Variants in TMEM132E observed in about 807,000 individuals in gnomAD.
TMEM132E encodes the protein transmembrane protein 132E.
In TMEM132E, 49 loss-of-function variants were observed where a neutral mutation model predicts 78.5. That is an observed-to-expected ratio of 0.62 (90% CI 0.50 to 0.79). The LOEUF (loss-of-function observed/expected upper bound fraction) is 0.79, where lower values mean the gene tolerates loss of function less well. TMEM132E is among the 30% of genes least tolerant of loss of function. TMEM132E has a pLI of 0.00. For missense variants in TMEM132E, 1,403 were observed against 1,470.9 expected, an observed-to-expected ratio of 0.95 and a Z score of 0.75; for synonymous variants, 715 against 670.6, an observed-to-expected ratio of 1.07 and a Z score of -1.02.
At chr17:34,635,977 C>A in intron 7 of TMEM132E, 30 bp from the exon 8 acceptor site, 1 of 1,355,292 alleles carries the variant, frequency 7.4e-7, no homozygotes, top group Non-Finnish European at 9.6e-7. Flanking sequence ...TTTCCTGGTT[C>A]TCTCCCACCC....
At chr17:34,600,701 A>C (rs1906211833) in intron 1 of TMEM132E, among the ~76,000 whole-genome samples, 1 of 152,160 alleles carries the variant, frequency 6.6e-6, no homozygotes, top group Admixed American at 6.5e-5. Flanking sequence ...CAGGAGTTGG[A>C]GTGCGGCCCC....
rs552383487 is a variant in TMEM132E, at chr17:34,595,614, C to G, written c.67+14471C>G. On this transcript the variant is annotated intron_variant, in intron 1 of 8. Transcript: ENST00000631683. ...AAGGGCTGGCAGGGAGATTCAGGCCCCTCTCACCTGGAACCATTTCTGTTT... is the reference window on the plus strand; with the variant it reads ...AAGGGCTGGCAGGGAGATTCAGGCCGCTCTCACCTGGAACCATTTCTGTTT... 3.9e-5 allele frequency among the ~76,000 whole-genome samples: 6 copies of G among 152,254 alleles called. No homozygotes were observed. The South Asian group carries it at 1.2e-3, about 32-fold the overall frequency.
At position 34,594,130 on chromosome 17, in the gene TMEM132E, G is replaced by A. The variant is rs150016296; in HGVS notation, c.67+12987G>A. On this transcript the variant is annotated intron_variant, in intron 1 of 8. Transcript: ENST00000631683. ...TTCACCTGACATATGACATGGTTATGTGTTCCATTGGAATGGAAGCCCTTG... is the reference window on the plus strand; with the variant it reads ...TTCACCTGACATATGACATGGTTATATGTTCCATTGGAATGGAAGCCCTTG... Among the ~76,000 whole-genome samples the A allele has an allele frequency of 5.7e-4, 87 of 152,274 alleles. No individual in the cohort carries two copies. In the Middle Eastern group the frequency reaches 0.01, roughly 18 times the overall value.
chr17:34,587,484 G>A (rs1905718188), intron 1 of TMEM132E, among the ~76,000 whole-genome samples: 1 of 152,180 alleles, frequency 6.6e-6, no homozygotes, highest in Non-Finnish European at 1.5e-5. Context: ...CTCAGGGGTA[G>A]CCTTTATTCC....
chr17:34,633,248 G>A (rs914930970), intron 6 of TMEM132E, among the ~76,000 whole-genome samples: 2 of 152,258 alleles, frequency 1.3e-5, no homozygotes. Context: ...TCCAGGAGAA[G>A]TCAAGGCAGG....
chr17:34,632,970 C>T (rs1907402843), intron 6 of TMEM132E, 61 bp downstream of exon 6: 5 of 1,586,600 alleles, frequency 3.2e-6, no homozygotes, highest in Non-Finnish European at 4.3e-6. Context: ...AGCCTCGGCC[C>T]ACAGTCTGAT....
intron 1 of TMEM132E, among the ~76,000 whole-genome samples, chr17:34,613,838 A>G (rs1407311547): frequency 6.6e-6 from 1 of 151,176 alleles, no homozygotes; most frequent in African/African-American, 2.4e-5. Context: ...GGTAGTCCAG[A>G]CCCTCTCCCT....
chr17:34,637,183 C>T lies in TMEM132E; in HGVS notation c.2176C>T (p.Leu726=). 1 of 1,600,400 alleles carries T rather than the reference C, an allele frequency of 6.2e-7. No individual in the cohort carries two copies. The highest frequency in any genetic ancestry group is 8.5e-7 in the Non-Finnish European group (1 of 1,169,966). ...QTLSFLKQEA[L]LSLWLSYSDG... is the part of the protein sequence containing the mutation. ...CCTTCTCCTTCTCCTCCAGGAAGCC[C>T]TACTGAGCCTCTGGCTCTCCTACAG... The change falls in exon 9 of 9, where the codon CTA becomes TTA. Residue 726 remains leucine (L), a synonymous_variant. Coordinates refer to ENST00000631683, the MANE Select transcript of TMEM132E (RefSeq NM_001304438.2).
intron 1 of TMEM132E, among the ~76,000 whole-genome samples, chr17:34,591,035 G>A (rs558384267): frequency 6.6e-6 from 1 of 152,316 alleles, no homozygotes; most frequent in South Asian, 2.1e-4. Flanking sequence ...CCGCTTACCA[G>A]CAGCCTGACT....
chr17:34,600,335 G>A (rs935005719), intron 1 of TMEM132E, among the ~76,000 whole-genome samples: 1 of 151,954 alleles, frequency 6.6e-6, no homozygotes. Context: ...TCCCTGTGTG[G>A]GAAAGTATTG....
chr17:34,624,465 G>C (rs1056624656), intron 1 of TMEM132E, among the ~76,000 whole-genome samples: 14 of 152,196 alleles, frequency 9.2e-5, no homozygotes, highest in African/African-American at 3.4e-4. Context: ...AAAGCTCTGA[G>C]GAAACCCCCA....
At position 34,637,911 on chromosome 17, in the gene TMEM132E, C is replaced by A. The variant is rs745451900; in HGVS notation, c.2904C>A (p.Asp968Glu). The part of the protein sequence containing the change: ...LETVPAFCHG[D>E]HHSSGSSQTS... ...CCGTGCCCGCCTTCTGCCACGGCGA[C>A]CACCACAGCAGCGGCAGCTCGCAGA... The change falls in exon 9 of 9, where the codon GAC becomes GAA. Residue 968 changes from aspartate (D) to glutamate (E), a missense_variant. Physicochemically the swap from Asp to Glu is conservative, Grantham distance 45. Around this residue, in one of 3 missense-constraint regions of TMEM132E, gnomAD observed 888 missense variants for 952.8 expected, o/e 0.93. Coordinates refer to ENST00000631683, the MANE Select transcript of TMEM132E (RefSeq NM_001304438.2). 1 of 1,606,046 alleles carries A rather than the reference C, an allele frequency of 6.2e-7. No homozygotes were observed. Among genetic ancestry groups the A allele is most frequent in the Non-Finnish European group, 8.5e-7 (1 of 1,178,760 alleles).
chr17:34,585,228 A>G (rs1905626543), intron 1 of TMEM132E, among the ~76,000 whole-genome samples: 1 of 152,170 alleles, frequency 6.6e-6, no homozygotes, highest in South Asian at 2.1e-4. Context: ...CATTCTGAGG[A>G]CGGCTGGTGC....
chr17:34,626,004 C>A lies in TMEM132E; in HGVS notation c.68-123C>A, dbSNP rs374883762. 697 of 932,474 alleles carry A rather than the reference C, an allele frequency of 7.5e-4. 12 individuals carry two copies. The South Asian group carries it at 0.012, about 16-fold the overall frequency. The allele number at this position is 932,474 out of a possible 1,614,324, so 57.8% of individuals were successfully genotyped here. On this transcript the variant is annotated intron_variant, in intron 1 of 8. Transcript: ENST00000631683. ...CCGGAGGATGGACAGCCAGGCTGAA[C>A]CTGCCCAGCTAGAGGAGTTGGCAGC...
In TMEM132E at chr17:34,637,435, C is replaced by G. The variant is rs746275676; in HGVS notation, c.2428C>G (p.Arg810Gly). 6.2e-7 allele frequency: 1 copy of G among 1,613,694 alleles called. No individual in the cohort carries two copies. Among genetic ancestry groups the G allele is most frequent in the East Asian group, 2.2e-5 (1 of 44,874 alleles). ...GCTCGCCACGACCCCTGTGGGCCTG[C>G]GGGTGCACTTTGGGAGGGACGAGGA... ...SVLATTPVGL[R>G]VHFGRDEEDP... Residue 810 changes from arginine (R) to glycine (G), a missense_variant, in exon 9 of 9, where the codon CGG (arginine) becomes GGG (glycine). Physicochemically the swap from Arg to Gly is moderately radical, Grantham distance 125 (BLOSUM62 -2). Coordinates refer to ENST00000631683, the MANE Select transcript of TMEM132E (RefSeq NM_001304438.2).
At position 34,626,949 on chromosome 17, in the gene TMEM132E, G is replaced by A. The variant is rs916177288; in HGVS notation, c.890G>A (p.Arg297His). The A allele has an allele frequency of 3.1e-6, 5 of 1,613,646 alleles. No homozygotes were observed. The highest frequency in any genetic ancestry group is 2.2e-5 in the East Asian group (1 of 44,876). Residue 297 changes from arginine to histidine, a missense_variant, in exon 2 of 9, where the codon CGC becomes CAC. Arg to His is a conservative substitution (Grantham distance 29, BLOSUM62 0). This residue lies in a region of TMEM132E where 511 missense variants were observed against 499.0 expected (regional missense o/e 1.02). Transcript: ENST00000631683. ...AGGCTGGACAGCAACCTGATGATCC[G>A]CCTGCCAGACCGGCCCCTCAAGCCC... ...EHRLDSNLMI[R>H]LPDRPLKPGE...
intron 1 of TMEM132E, among the ~76,000 whole-genome samples, chr17:34,582,760 G>A (rs946307218): frequency 1.2e-4 from 18 of 152,202 alleles, no homozygotes; most frequent in African/African-American, 4.3e-4. Context: ...AGCACTGGCC[G>A]GCAGGGAGTT....
intron 1 of TMEM132E, among the ~76,000 whole-genome samples, chr17:34,615,235 C>T (rs1039633699): frequency 6.6e-6 from 1 of 150,442 alleles, no homozygotes; most frequent in African/African-American, 2.4e-5. Flanking sequence ...CTAGTACCCT[C>T]GTCCTCCTTC....
intron 1 of TMEM132E, among the ~76,000 whole-genome samples, chr17:34,582,416 GC>G (rs1170114465): frequency 1.3e-5 from 2 of 151,838 alleles, no homozygotes; most frequent in Non-Finnish European, 2.9e-5. Context: ...AAAAAGAGGG[GC>G]TCTCGGAATC....
Sources: gnomAD v4.1 joint callset for allele counts (sites outside exome capture counted in the v4.1 genomes callset) on GRCh38, gnomAD v4.1.1 for gene constraint, gnomAD v4.1.1 regional missense constraint, MANE v1.5 for transcripts, NCBI Gene and HGNC (gene_info 2026-07-23, HGNC 2026-07-21) for gene names.